Variants in NRXN3 observed in about 807,000 individuals in gnomAD.
The protein encoded by NRXN3 is neurexin 3.
In NRXN3, 32 loss-of-function variants were observed where a neutral mutation model predicts 137.6. The ratio of observed to expected loss-of-function variants is 0.23; its 90% CI spans 0.18 to 0.31. NRXN3 has a LOEUF of 0.31. Among genes scored for constraint, NRXN3 ranks in the 10% least tolerant of loss-of-function variants. The probability of loss-of-function intolerance (pLI) is 1.00; values close to 1 mark genes in which losing one functional copy is unlikely to be tolerated. For synonymous variants in NRXN3, 798 were observed against 784.5 expected, an observed-to-expected ratio of 1.02 and a Z score of -0.29; for missense variants, 1,574 against 2,062.5, an observed-to-expected ratio of 0.76 and a Z score of 4.59.
chr14:79,340,013 A>G (rs1478151344), intron 15 of NRXN3, among the ~76,000 whole-genome samples: 1 of 152,166 alleles, frequency 6.6e-6, no homozygotes, highest in Admixed American at 6.5e-5. Context: ...GTGTTTTCCT[A>G]TGTCCTGTTT....
intron 16 of NRXN3, among the ~76,000 whole-genome samples, chr14:79,572,222 T>C (rs1032593325): frequency 7.2e-5 from 11 of 152,152 alleles, no homozygotes; most frequent in Non-Finnish European, 5.9e-5. Flanking sequence ...ACATTCTTTC[T>C]ATACTTCATG....
intron 16 of NRXN3, among the ~76,000 whole-genome samples, chr14:79,558,518 A>G (rs113500963): frequency 8.6e-5 from 13 of 151,712 alleles, no homozygotes; most frequent in African/African-American, 2.9e-4. Context: ...TACATTGTCA[A>G]TGATCAGTAA....
rs2098447812 is a variant in NRXN3 at position 79,645,146 on chromosome 14, C to A, written c.3445-18632C>A. Among the ~76,000 whole-genome samples the A allele has an allele frequency of 2.2e-5, 3 of 135,274 alleles. 1 individual carries two copies. The highest frequency in any genetic ancestry group is 2.3e-4 in the South Asian group (1 of 4,334). The allele number at this position is 135,274 out of a possible 152,430, so 88.7% of individuals were successfully genotyped here. A position where few individuals can be genotyped will look rare whatever the true frequency, so the allele number is the denominator to read the frequency against. ...CTTATCACTTTAACTGAAAGGCAGA[C>A]TTTCTTATTCCATATTTTTTTTGTC... is the stretch of plus-strand genomic sequence containing the variant. On this transcript the variant is annotated intron_variant, in intron 16 of 20. Coordinates refer to ENST00000335750, the MANE Select transcript of NRXN3 (RefSeq NM_001330195.2).
At chr14:79,720,649 C>T (rs2098841432) in intron 19 of NRXN3, among the ~76,000 whole-genome samples, 1 of 152,168 alleles carries the variant, frequency 6.6e-6, no homozygotes, top group Middle Eastern at 3.4e-3. Flanking sequence ...CAAGTCTTCC[C>T]TACCACTGAG....
intron 4 of NRXN3, among the ~76,000 whole-genome samples, chr14:78,314,928 T>C (rs1423645258): frequency 8.3e-6 from 1 of 120,848 alleles, no homozygotes; most frequent in African/African-American, 4.0e-5. Flanking sequence ...TCTTTCTTTC[T>C]TTCTTTCTTT....
chr14:78,890,090 C>T (rs528258661), intron 10 of NRXN3, among the ~76,000 whole-genome samples: 60 of 151,780 alleles, frequency 4.0e-4, no homozygotes, highest in Admixed American at 1.1e-3. Context: ...GGAGTGTGAC[C>T]CTGTCAGCAT....
At chr14:78,336,705 A>G (rs1272797187) in intron 4 of NRXN3, among the ~76,000 whole-genome samples, 1 of 152,068 alleles carries the variant, frequency 6.6e-6, no homozygotes, top group Non-Finnish European at 1.5e-5. Context: ...CAGAGGTGCA[A>G]TGGGTGGGGT....
Position 79,623,849 on chromosome 14 carries a change from GTTT to G in NRXN3, c.3445-39911_3445-39909del, listed in dbSNP as rs571687023. 1.9e-4 allele frequency among the ~76,000 whole-genome samples: 19 copies of G among 97,996 alleles called. No individual in the cohort carries two copies. In the East Asian group the frequency reaches 3.1e-3, roughly 16 times the overall value. 64.3% of individuals were successfully genotyped at this position (97,996 alleles called of 152,430 possible). A position where few individuals can be genotyped will look rare whatever the true frequency, so the allele number is the denominator to read the frequency against. ...AGAAATCACTGAGTCCTTAGCTCCT[GTTT>G]TTTTTTTTTTTTTTTTTGGTTGTTG... On this transcript the variant is annotated intron_variant, in intron 16 of 20. Transcript: ENST00000335750.
chr14:78,781,451 G>A (rs978527358), intron 8 of NRXN3, among the ~76,000 whole-genome samples: 2 of 152,058 alleles, frequency 1.3e-5, no homozygotes, highest in Non-Finnish European at 2.9e-5. Flanking sequence ...CTACTTGTTC[G>A]AATGTTTGAA....
At chr14:79,208,510 CT>C (rs778194709) in intron 15 of NRXN3, among the ~76,000 whole-genome samples, 2 of 152,148 alleles carry the variant, frequency 1.3e-5, no homozygotes, top group African/African-American at 2.4e-5. Flanking sequence ...TGCAATGCCT[CT>C]GAACATCTTC....
chr14:79,282,643 A>G (rs1419568444), intron 15 of NRXN3, among the ~76,000 whole-genome samples: 1 of 152,110 alleles, frequency 6.6e-6, no homozygotes, highest in East Asian at 1.9e-4. Flanking sequence ...ATTAACCTAC[A>G]TCTGATAAGG....
At chr14:78,984,809 G>A (rs568384085) in intron 14 of NRXN3, among the ~76,000 whole-genome samples, 7 of 152,194 alleles carry the variant, frequency 4.6e-5, no homozygotes, top group Non-Finnish European at 7.3e-5. Context: ...CTAAAAACAG[G>A]AGAGGGCTGT....
intron 4 of NRXN3, among the ~76,000 whole-genome samples, chr14:78,537,636 G>A (rs1305696789): frequency 6.6e-6 from 1 of 152,124 alleles, no homozygotes; most frequent in Non-Finnish European, 1.5e-5. Context: ...TGCCTATTTT[G>A]GCTTTTGTTG....
rs147284590 is a variant in NRXN3, at chr14:78,371,898, A to G, written c.757+74038A>G. On this transcript the variant is annotated intron_variant, in intron 4 of 20. Coordinates refer to ENST00000335750, the MANE Select transcript of NRXN3 (RefSeq NM_001330195.2). ...AACACTTTTTATCTTCATTGAAACC[A>G]TAGAAGACAGGCACTAGTATTATCC... Among the ~76,000 whole-genome samples, 5 of 152,344 alleles carry G rather than the reference A, an allele frequency of 3.3e-5. No individual in the cohort carries two copies. In the East Asian group the frequency reaches 9.6e-4, roughly 29 times the overall value.
At chr14:79,697,189 C>CTG (rs1396993465) in intron 18 of NRXN3, among the ~76,000 whole-genome samples, 1 of 151,934 alleles carries the variant, frequency 6.6e-6, no homozygotes, top group Non-Finnish European at 1.5e-5. Context: ...TTTTCTGAGT[C>CTG]ACCTCACTGA....
chr14:78,469,458 A>G (rs928063829), intron 4 of NRXN3, among the ~76,000 whole-genome samples: 4 of 152,186 alleles, frequency 2.6e-5, no homozygotes, highest in Admixed American at 6.5e-5. Context: ...TGAATAATCA[A>G]TGTTTTCAGG....
At chr14:78,413,447 G>A (rs1007911087) in intron 4 of NRXN3, among the ~76,000 whole-genome samples, 4 of 152,116 alleles carry the variant, frequency 2.6e-5, no homozygotes, top group South Asian at 2.1e-4. Context: ...CACCACGCCC[G>A]GCTAATTTTC....
chr14:78,792,961 AC>A (rs1344405912), intron 8 of NRXN3, among the ~76,000 whole-genome samples: 1 of 152,224 alleles, frequency 6.6e-6, no homozygotes, highest in African/African-American at 2.4e-5. Flanking sequence ...AAATGTTGTT[AC>A]CATACAATAA....
intron 8 of NRXN3, among the ~76,000 whole-genome samples, chr14:78,730,750 T>C (rs2152898996): frequency 6.6e-6 from 1 of 152,306 alleles, no homozygotes; most frequent in African/African-American, 2.4e-5. Flanking sequence ...AAACAATGAC[T>C]ATAAAACCAG....
Sources: allele counts gnomAD v4.1 joint callset (sites outside exome capture counted in the v4.1 genomes callset), GRCh38; gene constraint gnomAD v4.1.1; transcripts MANE v1.5; gene names NCBI Gene and HGNC (gene_info 2026-07-23, HGNC 2026-07-21).